The following STK3 variants were observed in gnomAD, a reference collection of about 807,000 sequenced individuals.
STK3 encodes serine/threonine kinase 3.
A neutral mutation model predicts 58.0 loss-of-function variants in STK3; 41 were observed. That is an observed-to-expected ratio of 0.71 (90% CI 0.55 to 0.92). STK3 has a LOEUF of 0.92. Ranked by LOEUF, STK3 falls within the 40% of genes least tolerant of loss-of-function variation. The pLI, the probability that STK3 is intolerant of heterozygous loss-of-function variation, is 0.00. For synonymous variants in STK3, 170 were observed against 191.0 expected, an observed-to-expected ratio of 0.89 and a Z score of 0.91; for missense variants, 479 against 602.7, an observed-to-expected ratio of 0.79 and a Z score of 2.15.
intron 8 of STK3, among the ~76,000 whole-genome samples, chr8:98,572,224 C>T (rs1358193816): frequency 6.6e-6 from 1 of 152,118 alleles, no homozygotes; most frequent in Non-Finnish European, 1.5e-5. Context: ...TGTTGTGTAA[C>T]TACCAAATTA....
At chr8:98,712,417 C>A (rs1017198672) in intron 4 of STK3, among the ~76,000 whole-genome samples, 2 of 151,398 alleles carry the variant, frequency 1.3e-5, no homozygotes, top group Admixed American at 1.3e-4. Flanking sequence ...CACATAGGCT[C>A]AAAATAAAAG....
At chr8:98,573,206 G>A (rs6651182) in intron 8 of STK3, among the ~76,000 whole-genome samples, 40,148 of 152,098 alleles carry the variant, frequency 0.26, 5,653 homozygotes, top group East Asian at 0.41. Flanking sequence ...AGATTCTTAT[G>A]TGGTGGCAGA....
At chr8:98,587,178 A>G (rs1191897864) in intron 7 of STK3, among the ~76,000 whole-genome samples, 2 of 151,716 alleles carry the variant, frequency 1.3e-5, no homozygotes, top group African/African-American at 4.9e-5. Context: ...TAGTTCTTTT[A>G]ATTGTGATGT....
chr8:98,842,937 C>A (rs571348605), intron 3 of STK3, among the ~76,000 whole-genome samples: 1 of 151,872 alleles, frequency 6.6e-6, no homozygotes, highest in African/African-American at 2.4e-5. Flanking sequence ...AGATTGCTTG[C>A]GCCTGGGACG....
chr8:98,818,970 G>A (rs375980049), intron 1 of STK3, among the ~76,000 whole-genome samples: 6 of 152,142 alleles, frequency 3.9e-5, no homozygotes, highest in East Asian at 1.9e-4. Flanking sequence ...ACAGATGCCC[G>A]CCACCATGCC....
chr8:98,909,048 C>G (rs1381822359), intron 1 of STK3, among the ~76,000 whole-genome samples: 1 of 151,996 alleles, frequency 6.6e-6, no homozygotes, highest in Non-Finnish European at 1.5e-5. Flanking sequence ...CGCAGCTATT[C>G]AGGTCAGGTG....
At chr8:98,604,241 G>A (rs1816597695) in intron 6 of STK3, among the ~76,000 whole-genome samples, 1 of 152,220 alleles carries the variant, frequency 6.6e-6, no homozygotes, top group South Asian at 2.1e-4. Flanking sequence ...AGTGAGATAT[G>A]TGTTAGACAC....
At chr8:98,584,452 T>C (rs978603808) in intron 7 of STK3, among the ~76,000 whole-genome samples, 1 of 151,838 alleles carries the variant, frequency 6.6e-6, no homozygotes, top group Admixed American at 6.6e-5. Flanking sequence ...GGCTGCATAG[T>C]ATTCCATGGC....
At chr8:98,753,361 T>C (rs1830096080) in intron 3 of STK3, among the ~76,000 whole-genome samples, 1 of 152,118 alleles carries the variant, frequency 6.6e-6, no homozygotes, top group Non-Finnish European at 1.5e-5. Context: ...CTTAGCAAAC[T>C]AACACAGGAA....
chr8:98,396,365 C>T (rs1817897237), intron 3 of STK3, among the ~76,000 whole-genome samples: 1 of 152,166 alleles, frequency 6.6e-6, no homozygotes, highest in Non-Finnish European at 1.5e-5. Context: ...TCTGCAGATG[C>T]TTATTGTGTC....
chr8:98,839,900 AGTT>A (rs1835899842), intron 3 of STK3, among the ~76,000 whole-genome samples: 1 of 152,202 alleles, frequency 6.6e-6, no homozygotes, highest in South Asian at 2.1e-4. Flanking sequence ...CCATATAATC[AGTT>A]GTTATAAAAT....
At chr8:98,387,759 T>G (rs1817804841) in intron 1 of STK3, among the ~76,000 whole-genome samples, 1 of 151,522 alleles carries the variant, frequency 6.6e-6, no homozygotes, top group Non-Finnish European at 1.5e-5. Context: ...AATAAATAAA[T>G]AAAAGACCTA....
At chr8:98,396,598 A>G (rs1049099883), downstream of STK3, among the ~76,000 whole-genome samples, 2 of 152,236 alleles carry the variant, frequency 1.3e-5, no homozygotes, top group African/African-American at 4.8e-5. Flanking sequence ...GCCAGTGGCC[A>G]GTGATCTTTT....
chr8:98,792,218 A>G (rs1832850103), intron 1 of STK3, among the ~76,000 whole-genome samples: 1 of 152,234 alleles, frequency 6.6e-6, no homozygotes, highest in Admixed American at 6.5e-5. Flanking sequence ...GCTCAACATC[A>G]CTAATAGATC....
intron 6 of STK3, among the ~76,000 whole-genome samples, chr8:98,608,747 C>G (rs944891730): frequency 6.6e-6 from 1 of 152,092 alleles, no homozygotes; most frequent in Non-Finnish European, 1.5e-5. Context: ...GTGGTAGACA[C>G]GGATGAGCAT....
chr8:98,565,299 T>C (rs1319794362), intron 8 of STK3, among the ~76,000 whole-genome samples: 1 of 152,132 alleles, frequency 6.6e-6, no homozygotes, highest in African/African-American at 2.4e-5. Context: ...AAGCCACCAC[T>C]ACCACAAAGA....
intron 1 of STK3, among the ~76,000 whole-genome samples, chr8:98,937,092 T>C (rs1225757850): frequency 2.6e-5 from 4 of 152,244 alleles, no homozygotes; most frequent in African/African-American, 7.2e-5. Flanking sequence ...CCAGTATTCT[T>C]TGAAACTTTG....
At chr8:98,697,703 T>C (rs1290378963) in intron 6 of STK3, among the ~76,000 whole-genome samples, 1 of 152,234 alleles carries the variant, frequency 6.6e-6, no homozygotes, top group African/African-American at 2.4e-5. Context: ...TCTAGTTTGA[T>C]TGCACTGTAG....
At chr8:98,908,817 T>TG (rs1049548958) in intron 1 of STK3, among the ~76,000 whole-genome samples, 1 of 121,746 alleles carries the variant, frequency 8.2e-6, no homozygotes, top group Non-Finnish European at 1.6e-5. Flanking sequence ...CATTCCAGCC[T>TG]GGGGGACAAG....
Sources: allele counts gnomAD v4.1 joint callset (sites outside exome capture counted in the v4.1 genomes callset), GRCh38; gene constraint gnomAD v4.1.1; transcripts MANE v1.5; gene names NCBI Gene and HGNC (gene_info 2026-07-23, HGNC 2026-07-21).